ASCC3: variants seen among roughly 807,000 people sequenced by gnomAD.
The protein encoded by ASCC3 is ASC-1 complex subunit P200.
A neutral mutation model predicts 256.3 loss-of-function variants in ASCC3; 158 were observed. That is an observed-to-expected ratio of 0.62 (90% CI 0.54 to 0.70). The LOEUF is 0.70. Among genes scored for constraint, ASCC3 ranks in the 30% least tolerant of loss-of-function variants. The probability of loss-of-function intolerance (pLI) is 0.00; values close to 1 mark genes in which losing one functional copy is unlikely to be tolerated. For synonymous variants in ASCC3, 948 were observed against 883.4 expected (o/e 1.07, Z -1.30); for missense variants, 2,259 against 2,626.0 (o/e 0.86, Z 3.05).
At chr6:100,867,822 A>T in intron 2 of ASCC3, 86 bp downstream of exon 2, 1 of 1,182,782 alleles carries the variant, frequency 8.5e-7, no homozygotes, top group Non-Finnish European at 1.2e-6. Flanking sequence ...TGTTAACCAC[A>T]TAGAATGGAG....
At position 100,718,192 on chromosome 6, in the gene ASCC3, G is replaced by A; in HGVS notation, c.1962C>T (p.Tyr654=). Residue 654 remains tyrosine, a synonymous_variant, in exon 12 of 42, where the codon TAC becomes TAT. Coordinates refer to ENST00000369162, the MANE Select transcript of ASCC3 (RefSeq NM_006828.4). The part of the protein sequence containing the change: ...ILGLSATLPN[Y]LDVATFLHVN... ...CATGTAAAAATGTGGCAACATCGAG[G>A]TAGTTAGGTAAAGTTGCAGACAGTC... 6.2e-7 allele frequency: 1 copy of A among 1,613,448 alleles called. No homozygotes were observed. The highest frequency in any genetic ancestry group is 1.7e-4 in the Middle Eastern group (1 of 6,056).
chr6:100,838,331 G>A (rs1771979185), intron 4 of ASCC3, among the ~76,000 whole-genome samples: 1 of 151,926 alleles, frequency 6.6e-6, no homozygotes, highest in African/African-American at 2.4e-5. Context: ...TCTGAATATG[G>A]ATAATTATAA....
intron 14 of ASCC3, among the ~76,000 whole-genome samples, chr6:100,668,434 ACT>A (rs1232136929): frequency 6.6e-6 from 1 of 152,004 alleles, no homozygotes; most frequent in Admixed American, 6.6e-5. Context: ...GTGACAGAAA[ACT>A]CTAAAATGAT....
At chr6:100,672,908 A>C (rs993229529) in intron 14 of ASCC3, among the ~76,000 whole-genome samples, 40 of 152,112 alleles carry the variant, frequency 2.6e-4, no homozygotes, top group Non-Finnish European at 2.5e-4. Context: ...ATGACTGGTA[A>C]CCAGCTTACA....
chr6:100,587,811 A>T (rs1771782457), intron 36 of ASCC3, among the ~76,000 whole-genome samples: 1 of 152,208 alleles, frequency 6.6e-6, no homozygotes, highest in Non-Finnish European at 1.5e-5. Flanking sequence ...TGCTGACAGG[A>T]TGGGAACAGA....
At position 100,540,304 on chromosome 6, in the gene ASCC3, T is replaced by C. The variant is rs749924623; in HGVS notation, c.5634A>G (p.Glu1878=). 2 of 1,614,012 alleles carry C rather than the reference T, an allele frequency of 1.2e-6. No individual in the cohort carries two copies. Among genetic ancestry groups the C allele is most frequent in the Non-Finnish European group, 1.7e-6 (2 of 1,179,984 alleles). ...NSELAKCLPI[E]SNPHSFDSPH... The stretch of plus-strand genomic sequence containing the variant: ...GGCTGTCAAATGAATGAGGATTTGA[T>C]TCAATGGGAAGACATTTTGCCAGTT... The change falls in exon 37 of 42, where the codon GAA becomes GAG. Residue 1878 remains glutamate (E), a synonymous_variant. Transcript: ENST00000369162.
chr6:100,638,955 C>T (rs1774980418), intron 24 of ASCC3, 134 bp from the exon 25 acceptor site: 1 of 735,694 alleles, frequency 1.4e-6, no homozygotes, highest in Admixed American at 2.2e-5. Context: ...TCTTATATAC[C>T]CATTACAGAT....
intron 36 of ASCC3, 86 bp from the exon 37 acceptor site, chr6:100,540,473 C>G (rs2084663736): frequency 8.5e-7 from 1 of 1,178,314 alleles, no homozygotes; most frequent in African/African-American, 1.6e-5. Flanking sequence ...TAAAACATGG[C>G]TCAGAAAAAT....
chr6:100,850,567 T>C (rs1357767214), intron 3 of ASCC3, among the ~76,000 whole-genome samples: 2 of 152,194 alleles, frequency 1.3e-5, no homozygotes, highest in African/African-American at 4.8e-5. Context: ...TTATACTACA[T>C]CAAACTGCCT....
rs1773403158 is a variant in ASCC3 at position 100,611,674 on chromosome 6, GTA to G, written c.4786-4588_4786-4587del. ...ACCCAGTGATTTTGAATACTAAAGA[GTA>G]TAGTTTCTTAGCCCTGGTTCCATGA... On this transcript the variant is annotated intron_variant, in intron 30 of 41. Coordinates refer to ENST00000369162, the MANE Select transcript of ASCC3 (RefSeq NM_006828.4). Among the ~76,000 whole-genome samples, 3 of 151,994 alleles carry G rather than the reference GTA, an allele frequency of 2.0e-5. No individual in the cohort carries two copies. In the South Asian group the frequency reaches 6.2e-4, roughly 32 times the overall value.
intron 36 of ASCC3, among the ~76,000 whole-genome samples, chr6:100,559,289 T>G (rs1769798310): frequency 1.3e-5 from 2 of 152,188 alleles, no homozygotes; most frequent in African/African-American, 4.8e-5. Flanking sequence ...TTACATTGCC[T>G]GACTTAACAA....
In ASCC3 at chr6:100,602,742, A is replaced by G. The variant is rs377709414; in HGVS notation, c.5178-807T>C. Among the ~76,000 whole-genome samples the G allele has an allele frequency of 2.6e-5, 4 of 152,200 alleles. No homozygotes were observed. In the East Asian group the frequency reaches 7.7e-4, roughly 29 times the overall value. On this transcript the variant is annotated intron_variant, in intron 33 of 41. Transcript: ENST00000369162. ...TAGGTGTTGTGGAGTACACAAAGATAATCAGATGTGTTGAAAGACTGGTAT... is the reference window on the plus strand; with the variant it reads ...TAGGTGTTGTGGAGTACACAAAGATGATCAGATGTGTTGAAAGACTGGTAT...
At chr6:100,769,968 C>T (rs919825496) in intron 8 of ASCC3, among the ~76,000 whole-genome samples, 1 of 151,632 alleles carries the variant, frequency 6.6e-6, no homozygotes, top group African/African-American at 2.4e-5. Context: ...ACAAAAAAAC[C>T]TCCAGGGCCA....
chr6:100,869,825 C>T (rs529595608), intron 1 of ASCC3, among the ~76,000 whole-genome samples: 3 of 152,182 alleles, frequency 2.0e-5, no homozygotes, highest in Non-Finnish European at 4.4e-5. Context: ...TTCCTGCAAA[C>T]AACCAAACGT....
intron 37 of ASCC3, among the ~76,000 whole-genome samples, chr6:100,524,465 T>C (rs961829009): frequency 1.3e-5 from 2 of 152,070 alleles, no homozygotes; most frequent in Non-Finnish European, 2.9e-5. Context: ...AAAAGTAAAA[T>C]AGGAACATTG....
At chr6:100,715,680 CAT>C in intron 12 of ASCC3, 147 bp from the exon 13 acceptor site, 1 of 608,320 alleles carries the variant, frequency 1.6e-6, no homozygotes, top group Non-Finnish European at 2.9e-6. Context: ...AAACATATAA[CAT>C]ATAACAATCC....
At chr6:100,724,394 T>C (rs189891026) in intron 11 of ASCC3, among the ~76,000 whole-genome samples, 3 of 151,728 alleles carry the variant, frequency 2.0e-5, no homozygotes, top group Admixed American at 1.3e-4. Context: ...AAAAGGGAAA[T>C]TGAATTGAGA....
chr6:100,630,469 A>C (rs1774480842), intron 26 of ASCC3, among the ~76,000 whole-genome samples: 1 of 150,004 alleles, frequency 6.7e-6, no homozygotes, highest in Non-Finnish European at 1.5e-5. Flanking sequence ...TAGGATACTT[A>C]TATTTTTTTT....
intron 10 of ASCC3, among the ~76,000 whole-genome samples, chr6:100,726,630 T>G (rs1332058887): frequency 6.6e-6 from 1 of 152,028 alleles, no homozygotes; most frequent in Non-Finnish European, 1.5e-5. Context: ...CACCAAATCT[T>G]AAAATCCTTT....
Sources: allele counts gnomAD v4.1 joint callset (sites outside exome capture counted in the v4.1 genomes callset), GRCh38; gene constraint gnomAD v4.1.1; transcripts MANE v1.5; gene names NCBI Gene and HGNC (gene_info 2026-07-23, HGNC 2026-07-21).